Variants in RBPJ observed in about 807,000 individuals in gnomAD.
RBPJ encodes the protein recombination signal binding protein for immunoglobulin kappa J region.
Under a neutral mutation model 67.8 loss-of-function variants are expected in RBPJ, and 9 were observed. The ratio of observed to expected loss-of-function variants is 0.13; its 90% CI spans 0.08 to 0.23. The LOEUF (loss-of-function observed/expected upper bound fraction) is 0.23. RBPJ is among the 10% of genes least tolerant of loss of function. The pLI is 1.00. For synonymous variants in RBPJ, 198 were observed against 203.3 expected (o/e 0.97, Z 0.22); for missense variants, 305 against 595.6 (o/e 0.51, Z 5.08).
At chr4:26,349,299 T>G (rs1377181183) in intron 1 of RBPJ, among the ~76,000 whole-genome samples, 1 of 152,146 alleles carries the variant, frequency 6.6e-6, no homozygotes, top group Non-Finnish European at 1.5e-5. Context: ...CTCAAACTTC[T>G]GGACGCAAGT....
chr4:26,313,542 C>T (rs528930037), intron 1 of RBPJ, among the ~76,000 whole-genome samples: 10 of 152,018 alleles, frequency 6.6e-5, no homozygotes, highest in South Asian at 2.1e-4. Flanking sequence ...TGGTGGCGGG[C>T]GCCTGTAGTC....
At chr4:26,416,088 C>T (rs1192579958) in intron 4 of RBPJ, among the ~76,000 whole-genome samples, 2 of 152,154 alleles carry the variant, frequency 1.3e-5, no homozygotes, top group Non-Finnish European at 2.9e-5. Context: ...TAAACGTTTA[C>T]TTGACATCAG....
chr4:26,162,257 G>A (rs967834659), upstream of RBPJ, among the ~76,000 whole-genome samples: 22 of 152,202 alleles, frequency 1.4e-4, no homozygotes, highest in Non-Finnish European at 2.1e-4. Context: ...ACAGCCGACC[G>A]TCTCACTTTG....
the RBPJ span, among the ~76,000 whole-genome samples, chr4:26,120,029 T>G: frequency 6.6e-6 from 1 of 152,114 alleles, no homozygotes; most frequent in Non-Finnish European, 1.5e-5. Flanking sequence ...AAGAGAGTAG[T>G]TGGAAGAACT....
chr4:26,150,966 T>A, the RBPJ span, among the ~76,000 whole-genome samples: 2 of 152,320 alleles, frequency 1.3e-5, no homozygotes, highest in East Asian at 3.9e-4. Flanking sequence ...ACGGATATAC[T>A]GACAATGGAA....
intron 1 of RBPJ, among the ~76,000 whole-genome samples, chr4:26,356,264 A>T (rs1480008131): frequency 6.6e-6 from 1 of 152,194 alleles, no homozygotes; most frequent in Non-Finnish European, 1.5e-5. Flanking sequence ...CTTGTGGCCT[A>T]GGTAAGCCTG....
chr4:26,315,170 ATAT>A (rs1722568628), upstream of RBPJ, among the ~76,000 whole-genome samples: 8 of 87,706 alleles, frequency 9.1e-5, no homozygotes, highest in African/African-American at 3.9e-4. Flanking sequence ...AAAAAAAAAT[ATAT>A]ATATATATAT....
chr4:26,317,132 TA>T (rs1722678193), upstream of RBPJ, among the ~76,000 whole-genome samples: 1 of 151,668 alleles, frequency 6.6e-6, no homozygotes, highest in Admixed American at 6.6e-5. Context: ...AGGCAGATAG[TA>T]AACACAACAC....
At chr4:26,134,169 T>C in the RBPJ span, among the ~76,000 whole-genome samples, 1 of 152,148 alleles carries the variant, frequency 6.6e-6, no homozygotes, top group Non-Finnish European at 1.5e-5. Context: ...ATGAACCCTA[T>C]TTAGAGTTCA....
At chr4:26,164,460 T>G (rs1229911405) in intron 1 of RBPJ, among the ~76,000 whole-genome samples, 3 of 152,174 alleles carry the variant, frequency 2.0e-5, no homozygotes, top group Non-Finnish European at 2.9e-5. Flanking sequence ...GGAATGGAGT[T>G]ATGACAGAAG....
chr4:26,338,183 G>A (rs1725093822), intron 1 of RBPJ, among the ~76,000 whole-genome samples: 1 of 133,772 alleles, frequency 7.5e-6, no homozygotes, highest in Non-Finnish European at 1.6e-5. Flanking sequence ...TTGAGATGGA[G>A]TGTTGCTCTA....
At chr4:26,331,700 A>G (rs1724283003) in intron 1 of RBPJ, among the ~76,000 whole-genome samples, 1 of 151,892 alleles carries the variant, frequency 6.6e-6, no homozygotes, top group South Asian at 2.1e-4. Flanking sequence ...CTCACTGCAC[A>G]CCTCCTTATC....
chr4:26,207,136 C>T (rs934923419), intron 1 of RBPJ, among the ~76,000 whole-genome samples: 5 of 152,112 alleles, frequency 3.3e-5, no homozygotes, highest in African/African-American at 1.2e-4. Flanking sequence ...TTTTGTGGTT[C>T]ACGTCTGATT....
intron 4 of RBPJ, among the ~76,000 whole-genome samples, chr4:26,417,386 T>C (rs1171891952): frequency 1.3e-5 from 2 of 152,202 alleles, no homozygotes; most frequent in Non-Finnish European, 2.9e-5. Context: ...TCTGCTGTTT[T>C]TCATTATATC....
intron 1 of RBPJ, among the ~76,000 whole-genome samples, chr4:26,285,077 G>A (rs1721417532): frequency 6.6e-6 from 1 of 151,528 alleles, no homozygotes; most frequent in Non-Finnish European, 1.5e-5. Flanking sequence ...GGCTGATCTC[G>A]AACTCCTGAC....
At chr4:26,108,150 T>A in the RBPJ span, among the ~76,000 whole-genome samples, 1 of 152,126 alleles carries the variant, frequency 6.6e-6, no homozygotes, top group East Asian at 1.9e-4. Context: ...AGCTCTTAAA[T>A]CAGAGTAGGA....
chr4:26,340,043 A>C (rs1215501254), intron 1 of RBPJ, among the ~76,000 whole-genome samples: 2 of 152,192 alleles, frequency 1.3e-5, no homozygotes, highest in Non-Finnish European at 2.9e-5. Context: ...CATTTCATTC[A>C]TTCATTCAGC....
intron 1 of RBPJ, among the ~76,000 whole-genome samples, chr4:26,272,270 C>G (rs1720940132): frequency 6.6e-6 from 1 of 152,156 alleles, no homozygotes; most frequent in Non-Finnish European, 1.5e-5. Context: ...TTTTTATTTT[C>G]TAAAACTCAC....
chr4:26,107,461 C>G, the RBPJ span, among the ~76,000 whole-genome samples: 33 of 152,190 alleles, frequency 2.2e-4, no homozygotes, highest in Non-Finnish European at 3.7e-4. Context: ...TCTCAAAGTG[C>G]CACCAGTTCA....
Sources: allele counts gnomAD v4.1 joint callset (sites outside exome capture counted in the v4.1 genomes callset), GRCh38; gene constraint gnomAD v4.1.1; transcripts MANE v1.5; gene names NCBI Gene and HGNC (gene_info 2026-07-23, HGNC 2026-07-21).